CYTH3: variants seen among roughly 807,000 people sequenced by gnomAD.
CYTH3 encodes cytohesin-3.
Under a neutral mutation model 55.1 loss-of-function variants are expected in CYTH3, and 23 were observed. The ratio of observed to expected loss-of-function variants is 0.42; its 90% CI spans 0.30 to 0.59. The LOEUF (loss-of-function observed/expected upper bound fraction) is 0.59, where lower values mean the gene tolerates loss of function less well. CYTH3 is among the 20% of genes least tolerant of loss of function. CYTH3 has a pLI of 0.20. For synonymous variants in CYTH3, 249 were observed against 194.9 expected (o/e 1.28, Z -2.31); for missense variants, 413 against 524.8 (o/e 0.79, Z 2.08).
intron 1 of CYTH3, among the ~76,000 whole-genome samples, chr7:6,267,214 G>A (rs1191364674): frequency 6.6e-6 from 1 of 152,182 alleles, no homozygotes; most frequent in African/African-American, 2.4e-5. Context: ...GCTACAGCCT[G>A]CACAACCATG....
intron 1 of CYTH3, among the ~76,000 whole-genome samples, chr7:6,213,534 T>TTTTG (rs373437796): frequency 9.2e-5 from 14 of 152,134 alleles, no homozygotes; most frequent in South Asian, 4.1e-4. Context: ...CCCCATGGTT[T>TTTTG]TTTGTTTGTT....
intron 1 of CYTH3, among the ~76,000 whole-genome samples, chr7:6,236,245 C>T (rs1022351657): frequency 4.6e-5 from 7 of 152,032 alleles, no homozygotes; most frequent in African/African-American, 1.7e-4. Flanking sequence ...GCTTTGTTGC[C>T]CAGGCTGGAG....
At chr7:6,177,151 G>T (rs1199477225) in intron 5 of CYTH3, among the ~76,000 whole-genome samples, 1 of 152,166 alleles carries the variant, frequency 6.6e-6, no homozygotes, top group Non-Finnish European at 1.5e-5. Flanking sequence ...CTTTGGTTTG[G>T]GTATCAGGTA....
intron 1 of CYTH3, among the ~76,000 whole-genome samples, chr7:6,204,663 C>T (rs1334999423): frequency 6.6e-6 from 1 of 152,156 alleles, no homozygotes; most frequent in South Asian, 2.1e-4. Context: ...GCCTAGCAGG[C>T]GAGAATTCCT....
intron 1 of CYTH3, among the ~76,000 whole-genome samples, chr7:6,205,910 T>C (rs938413284): frequency 1.4e-5 from 2 of 138,346 alleles, no homozygotes; most frequent in African/African-American, 5.8e-5. Context: ...AAAAAGCTTA[T>C]TTTAGAAAAT....
At chr7:6,172,152 G>C (rs1783217208) in intron 6 of CYTH3, 1 of 152,394 alleles carries the variant, frequency 6.6e-6, no homozygotes, top group African/African-American at 2.4e-5. Flanking sequence ...CTCCAATTAA[G>C]TCTCTGGGCT....
chr7:6,243,341 T>G (rs1293083792), intron 1 of CYTH3, among the ~76,000 whole-genome samples: 2 of 152,206 alleles, frequency 1.3e-5, no homozygotes, highest in African/African-American at 4.8e-5. Context: ...CTCTACCACC[T>G]GACCCCCAGC....
At chr7:6,265,075 C>T (rs916460141) in intron 1 of CYTH3, among the ~76,000 whole-genome samples, 9 of 152,134 alleles carry the variant, frequency 5.9e-5, no homozygotes, top group Non-Finnish European at 2.9e-5. Context: ...AGTGCACAGG[C>T]ACTGAGGCAG....
chr7:6,242,368 G>C (rs574853965), intron 1 of CYTH3, among the ~76,000 whole-genome samples: 2 of 125,976 alleles, frequency 1.6e-5, no homozygotes, highest in African/African-American at 3.4e-5. Context: ...GAGCCACCGC[G>C]CCTGGCATTT....
intron 1 of CYTH3, among the ~76,000 whole-genome samples, chr7:6,198,839 T>C (rs1029640717): frequency 7.9e-5 from 12 of 151,404 alleles, no homozygotes; most frequent in African/African-American, 2.2e-4. Flanking sequence ...CTAAAGCTGG[T>C]TGAATGCACC....
intron 1 of CYTH3, among the ~76,000 whole-genome samples, chr7:6,259,821 T>TAATATATA (rs1409826563): frequency 3.8e-5 from 1 of 26,602 alleles, no homozygotes; most frequent in Non-Finnish European, 5.3e-5. Context: ...ATAATATATA[T>TAATATATA]ATATATATAT....
In CYTH3 at chr7:6,170,952, T is replaced by C. The variant is rs950534428; in HGVS notation, c.589A>G (p.Ile197Val). Residue 197 changes from isoleucine (I) to valine (V), a missense_variant, in exon 8 of 13, where the codon ATC (isoleucine) becomes GTC (valine). Physicochemically the swap from Ile to Val is conservative, Grantham distance 29. This residue lies in a region of CYTH3 where 156 missense variants were observed against 233.1 expected (regional missense o/e 0.67). Coordinates refer to ENST00000350796, the MANE Select transcript of CYTH3 (RefSeq NM_004227.4). This position sits in a 1 kb window ranked among gnomAD's most constrained non-coding sequence, Gnocchi z 7.8. Reference sequence around the variant, plus strand: ...TGGAGGCTGGTGTTGAGCATGATGATGGCGAATGACAGCACGTAGCACGTG... The same window carrying C: ...TGGAGGCTGGTGTTGAGCATGATGACGGCGAATGACAGCACGTAGCACGTG... ...TDTCYVLSFA[I>V]IMLNTSLHNH... 2 of 1,613,834 alleles carry C rather than the reference T, an allele frequency of 1.2e-6. No homozygotes were observed. The highest frequency in any genetic ancestry group is 1.7e-6 in the Non-Finnish European group (2 of 1,179,916).
intron 1 of CYTH3, among the ~76,000 whole-genome samples, chr7:6,212,141 C>T (rs1282502813): frequency 6.6e-6 from 1 of 152,114 alleles, no homozygotes; most frequent in Non-Finnish European, 1.5e-5. Flanking sequence ...TCAATTTCAA[C>T]CATTTTTTTT....
At chr7:6,215,823 T>C (rs1010077943) in intron 1 of CYTH3, among the ~76,000 whole-genome samples, 1 of 152,086 alleles carries the variant, frequency 6.6e-6, no homozygotes, top group Non-Finnish European at 1.5e-5. Context: ...ACCTTACCTA[T>C]AGAGGAGAAA....
chr7:6,207,086 CTTTTTTTT>C (rs58910123), intron 1 of CYTH3, among the ~76,000 whole-genome samples: 4 of 104,052 alleles, frequency 3.8e-5, no homozygotes, highest in African/African-American at 8.2e-5. Context: ...AAATGTGCAA[CTTTTTTTT>C]TTTTTTTTTT....
Position 6,164,909 on chromosome 7 carries a change from T to A in CYTH3, c.*35A>T. 1 of 1,613,364 alleles carries A rather than the reference T, an allele frequency of 6.2e-7. No individual in the cohort carries two copies. Among genetic ancestry groups the A allele is most frequent in the Non-Finnish European group, 8.5e-7 (1 of 1,179,326 alleles). ...CGCCCGCGGTGTCTTTCTGCTGGGG[T>A]TGGGTCTTTTACCTGGGTCTTTTAG... On this transcript the variant is annotated 3_prime_UTR_variant, in exon 13 of 13. Coordinates refer to ENST00000350796, the MANE Select transcript of CYTH3 (RefSeq NM_004227.4).
intron 1 of CYTH3, among the ~76,000 whole-genome samples, chr7:6,248,313 T>C (rs1408384372): frequency 1.3e-5 from 2 of 151,356 alleles, no homozygotes; most frequent in African/African-American, 4.9e-5. Flanking sequence ...TGGGTTTTTA[T>C]TGTTGCTGTT....
At chr7:6,243,983 T>C (rs1041144859) in intron 1 of CYTH3, among the ~76,000 whole-genome samples, 2 of 152,250 alleles carry the variant, frequency 1.3e-5, no homozygotes, top group Non-Finnish European at 2.9e-5. Context: ...AAGTTATAAA[T>C]ACATCATTTT....
At chr7:6,178,661 G>A (rs1420105446) in intron 4 of CYTH3, among the ~76,000 whole-genome samples, 1 of 152,212 alleles carries the variant, frequency 6.6e-6, no homozygotes, top group Non-Finnish European at 1.5e-5. Context: ...ACACAGCTGT[G>A]TGAGAAGATA....
Sources: gnomAD v4.1 joint callset for allele counts (sites outside exome capture counted in the v4.1 genomes callset) on GRCh38, gnomAD v4.1.1 for gene constraint, gnomAD v4.1.1 regional missense constraint, Gnocchi (gnomAD v3.1) non-coding constraint, MANE v1.5 for transcripts, NCBI Gene and HGNC (gene_info 2026-07-23, HGNC 2026-07-21) for gene names.